ACSL5: variants seen among roughly 807,000 people sequenced by gnomAD.
The protein encoded by ACSL5 is acyl-CoA synthetase long chain family member 5, also known as long-chain-fatty-acid--CoA ligase 5.
ACSL5 carries 50 observed loss-of-function variants against 84.9 expected under a neutral mutation model. The observed-to-expected ratio is 0.59, with a 90% CI of 0.47 to 0.75. ACSL5 has a LOEUF of 0.75. Among genes scored for constraint, ACSL5 ranks in the 30% least tolerant of loss-of-function variants. The probability of loss-of-function intolerance (pLI) is 0.00; values close to 1 mark genes in which losing one functional copy is unlikely to be tolerated. For missense variants in ACSL5, 775 were observed against 830.4 expected, an observed-to-expected ratio of 0.93 and a Z score of 0.82; for synonymous variants, 280 against 300.7, an observed-to-expected ratio of 0.93 and a Z score of 0.71.
rs34464188 is a variant in ACSL5 at position 112,414,352 on chromosome 10, CTT to C, written c.1083+1065_1083+1066del. 8.1e-3 allele frequency among the ~76,000 whole-genome samples: 689 copies of C among 85,502 alleles called. 2 individuals carry two copies. Among genetic ancestry groups the C allele is most frequent in the African/African-American group, 0.025 (542 of 21,620 alleles). The allele number at this position is 85,502 out of a possible 152,430, so 56.1% of individuals were successfully genotyped here. The stretch of plus-strand genomic sequence containing the variant: ...AGATTTTTTTTTAATTTCAGTGATT[CTT>C]TTTTTTTTTTTTTTTTTTTGAGACA... On this transcript the variant is annotated intron_variant, in intron 12 of 20. Coordinates refer to ENST00000354655, the MANE Select transcript of ACSL5 (RefSeq NM_203379.2).
chr10:112,397,971 C>A (rs1843784358), intron 2 of ACSL5, among the ~76,000 whole-genome samples: 1 of 151,778 alleles, frequency 6.6e-6, no homozygotes, highest in Admixed American at 6.6e-5. Flanking sequence ...TATATACACA[C>A]ATGGATGCCA....
Position 112,409,535 on chromosome 10 carries a change from A to G in ACSL5, c.561A>G (p.Thr187=), listed in dbSNP as rs1485639225. ...KADIAMVICD[T]PQKALVLIGN... is the part of the protein sequence containing the mutation. ...ATATCGCCATGGTGATCTGTGACAC[A>G]CCCCAAAAGGCATTGGTGCTGATAG... The change falls in exon 7 of 21, where the codon ACA becomes ACG. Residue 187 remains threonine (T), a synonymous_variant. Coordinates refer to ENST00000354655, the MANE Select transcript of ACSL5 (RefSeq NM_203379.2). 1 of 1,613,522 alleles carries G rather than the reference A, an allele frequency of 6.2e-7. No homozygotes were observed. Among genetic ancestry groups the G allele is most frequent in the Non-Finnish European group, 8.5e-7 (1 of 1,179,990 alleles).
chr10:112,425,272 C>A, intron 17 of ACSL5, 66 bp from the exon 18 acceptor site: 3 of 1,400,968 alleles, frequency 2.1e-6, no homozygotes, highest in South Asian at 2.8e-5. Context: ...TGTGACTTCA[C>A]CACTCTCCCC....
At position 112,410,023 on chromosome 10, in the gene ACSL5, A is replaced by G. The variant is rs573874272; in HGVS notation, c.711+338A>G. ...CTGTTAGGCAACCTTGGGCAATCTC[A>G]TCTCCCTTCTCTCGGTCCGTAAAAT... On this transcript the variant is annotated intron_variant, in intron 7 of 20. Coordinates refer to ENST00000354655, the MANE Select transcript of ACSL5 (RefSeq NM_203379.2). 1.0e-5 allele frequency: 3 copies of G among 299,946 alleles called. No individual in the cohort carries two copies. In the East Asian group the frequency reaches 5.2e-4, roughly 52 times the overall value. 18.6% of individuals were successfully genotyped at this position (299,946 alleles called of 1,614,324 possible).
rs11195956 is a variant in ACSL5 at position 112,428,069 on chromosome 10, T to A, written c.*711T>A. 0.1 allele frequency: 20,814 copies of A among 208,652 alleles called. 1,203 individuals carry two copies. Among genetic ancestry groups the A allele is most frequent in the East Asian group, 0.16 (1,673 of 10,328 alleles). 12.9% of individuals were successfully genotyped at this position (208,652 alleles called of 1,614,324 possible). A position where few individuals can be genotyped will look rare whatever the true frequency, so the allele number is the denominator to read the frequency against. ...GCTGTTCTTAAAGCATTATTTACAGTAGGAACTGGGGAGTAAATCTGTTCC... is the reference window on the plus strand; with the variant it reads ...GCTGTTCTTAAAGCATTATTTACAGAAGGAACTGGGGAGTAAATCTGTTCC... On this transcript the variant is annotated 3_prime_UTR_variant, in exon 21 of 21. Transcript: ENST00000354655.
intron 2 of ACSL5, among the ~76,000 whole-genome samples, chr10:112,398,620 G>A (rs1281023865): frequency 2.6e-5 from 4 of 151,868 alleles, no homozygotes. Context: ...GGTCAGGCTG[G>A]TCTCGAACTC....
intron 1 of ACSL5, among the ~76,000 whole-genome samples, chr10:112,391,144 C>G (rs542415924): frequency 6.6e-5 from 10 of 152,158 alleles, no homozygotes; most frequent in Non-Finnish European, 1.2e-4. Context: ...TTTGGGAGGC[C>G]AAGGCGGGCG....
intron 14 of ACSL5, 138 bp from the exon 15 acceptor site, chr10:112,421,455 C>A: frequency 1.4e-6 from 1 of 707,916 alleles, no homozygotes; most frequent in Non-Finnish European, 2.5e-6. Context: ...GCCACCGCCC[C>A]CTCCAAGTTC....
At chr10:112,423,206 AAAAAAAAAAAAAAAAAT>A (rs1482678907) in intron 17 of ACSL5, among the ~76,000 whole-genome samples, 1 of 76,004 alleles carries the variant, frequency 1.3e-5, no homozygotes, top group Non-Finnish European at 2.8e-5. Context: ...AAAAAAAAAA[AAAAAAAAAAAAAAAAAT>A]ATATATATAT....
chr10:112,410,537 A>G (rs202070118), intron 8 of ACSL5, 42 bp downstream of exon 8: 2 of 1,613,996 alleles, frequency 1.2e-6, no homozygotes, highest in South Asian at 1.1e-5. Context: ...GCCATAGTCA[A>G]CTCTCAAAGT....
intron 18 of ACSL5, 58 bp downstream of exon 18, chr10:112,425,539 G>C: frequency 7.2e-7 from 1 of 1,389,064 alleles, no homozygotes; most frequent in Non-Finnish European, 9.6e-7. Flanking sequence ...GGTTCTTGTA[G>C]CTACAGGAAA....
At chr10:112,401,440 AC>A (rs1262281810) in intron 3 of ACSL5, among the ~76,000 whole-genome samples, 3 of 152,232 alleles carry the variant, frequency 2.0e-5, no homozygotes, top group Admixed American at 6.5e-5. Flanking sequence ...GATTCTGTAT[AC>A]CAGAGTTGGA....
At chr10:112,401,839 T>TCTTTCTTTCTTCCTTC (rs1491438129) in intron 3 of ACSL5, among the ~76,000 whole-genome samples, 3 of 92,096 alleles carry the variant, frequency 3.3e-5, no homozygotes, top group Non-Finnish European at 4.5e-5. Context: ...TTTCTTTCTT[T>TCTTTCTTTCTTCCTTC]CTTCCTTCCT....
chr10:112,385,135 G>C lies in ACSL5; in HGVS notation c.-29-9783G>C, dbSNP rs150981078. Among the ~76,000 whole-genome samples the C allele has an allele frequency of 2.6e-5, 4 of 152,230 alleles. No individual in the cohort carries two copies. In the East Asian group the frequency reaches 5.8e-4, roughly 22 times the overall value. Reference sequence around the variant, plus strand: ...TATAATAGTTAATACATGAACCTGCGTGCCAGCCATGGTTCTAAGCACTTT... The same window carrying C: ...TATAATAGTTAATACATGAACCTGCCTGCCAGCCATGGTTCTAAGCACTTT... On this transcript the variant is annotated intron_variant, in intron 1 of 20. Transcript: ENST00000354655.
chr10:112,399,112 G>A, intron 3 of ACSL5, 103 bp downstream of exon 3: 1 of 939,218 alleles, frequency 1.1e-6, no homozygotes, highest in Non-Finnish European at 1.7e-6. Context: ...TTTAGATGCA[G>A]TGATCCAAGT....
At chr10:112,412,672 C>T (rs572258098) in intron 11 of ACSL5, 1 of 153,022 alleles carries the variant, frequency 6.5e-6, no homozygotes, top group Admixed American at 6.5e-5. Context: ...ATGCAAGATT[C>T]AGTTCTTTGG....
intron 5 of ACSL5, among the ~76,000 whole-genome samples, chr10:112,406,831 A>G (rs1211506121): frequency 6.6e-6 from 1 of 152,166 alleles, no homozygotes; most frequent in Non-Finnish European, 1.5e-5. Flanking sequence ...GGGGGTGGAA[A>G]GCCCCTTATG....
At chr10:112,379,688 C>A (rs1436999681) in intron 1 of ACSL5, among the ~76,000 whole-genome samples, 1 of 152,152 alleles carries the variant, frequency 6.6e-6, no homozygotes, top group African/African-American at 2.4e-5. Flanking sequence ...TGTACAGTGG[C>A]GGGGAACTGA....
intron 1 of ACSL5, among the ~76,000 whole-genome samples, chr10:112,387,248 A>G (rs1191368928): frequency 1.3e-5 from 2 of 152,244 alleles, no homozygotes; most frequent in Non-Finnish European, 2.9e-5. Flanking sequence ...ACTACTTATG[A>G]TACAGAAAAG....
Sources: gnomAD v4.1 joint callset for allele counts (sites outside exome capture counted in the v4.1 genomes callset) on GRCh38, gnomAD v4.1.1 for gene constraint, MANE v1.5 for transcripts, NCBI Gene and HGNC (gene_info 2026-07-23, HGNC 2026-07-21) for gene names.